Variants in LYST observed in about 807,000 individuals in gnomAD.
LYST encodes the protein lysosomal trafficking regulator.
A neutral mutation model predicts 413.6 loss-of-function variants in LYST; 192 were observed. That is an observed-to-expected ratio of 0.46 (90% CI 0.41 to 0.52). LYST has a LOEUF of 0.52. LYST is among the 20% of genes least tolerant of loss of function. The probability of loss-of-function intolerance (pLI) is 0.00; values close to 1 mark genes in which losing one functional copy is unlikely to be tolerated. For missense variants in LYST, 3,815 were observed against 4,499.9 expected, an observed-to-expected ratio of 0.85 and a Z score of 4.35; for synonymous variants, 1,525 against 1,567.3, an observed-to-expected ratio of 0.97 and a Z score of 0.64.
At position 235,690,948 on chromosome 1, in the gene LYST, G is replaced by A. The variant is rs558831220; in HGVS notation, c.10701+2402C>T. On this transcript the variant is annotated intron_variant, in intron 47 of 52. Transcript: ENST00000389793. ...TTTTTTTCCCTTGAGACAGAGTCTC[G>A]TTCTGTTGCCCAGGCTGGAGTGCAG... Among the ~76,000 whole-genome samples the A allele has an allele frequency of 6.4e-4, 93 of 145,398 alleles. 1 individual carries two copies. Among genetic ancestry groups the A allele is most frequent in the Non-Finnish European group, 3.3e-4 (22 of 66,812 alleles).
intron 14 of LYST, among the ~76,000 whole-genome samples, chr1:235,785,854 A>G (rs1572251579): frequency 1.3e-5 from 2 of 152,206 alleles, no homozygotes; most frequent in African/African-American, 2.4e-5. Flanking sequence ...TAGTTCCTAC[A>G]GGCTAAAATT....
chr1:235,772,256 T>C (rs1668783627), intron 19 of LYST, among the ~76,000 whole-genome samples: 1 of 152,054 alleles, frequency 6.6e-6, no homozygotes. Context: ...TTCAACCTCA[T>C]AACTCATTAC....
chr1:235,864,215 G>C (rs939224988), intron 1 of LYST, among the ~76,000 whole-genome samples: 15 of 152,184 alleles, frequency 9.9e-5, no homozygotes, highest in African/African-American at 3.6e-4. Context: ...CCACTGCAGA[G>C]GTCTCTATAC....
intron 20 of LYST, among the ~76,000 whole-genome samples, chr1:235,767,750 A>T (rs1668282422): frequency 6.6e-6 from 1 of 152,132 alleles, no homozygotes; most frequent in South Asian, 2.1e-4. Context: ...ATGATCTGCC[A>T]CACATGCTGT....
intron 1 of LYST, among the ~76,000 whole-genome samples, chr1:235,862,844 CACA>C (rs1680059031): frequency 6.8e-6 from 1 of 147,108 alleles, no homozygotes; most frequent in Non-Finnish European, 1.5e-5. Context: ...CACACACACA[CACA>C]CCCCTTCAAG....
chr1:235,872,806 C>A (rs1027045485), intron 1 of LYST, among the ~76,000 whole-genome samples: 3 of 152,074 alleles, frequency 2.0e-5, no homozygotes, highest in Non-Finnish European at 2.9e-5. Flanking sequence ...GTCCCAGCTA[C>A]TCAGGAGGCT....
Position 235,755,666 on chromosome 1 carries a change from T to C in LYST, c.7060-19A>G, listed in dbSNP as rs1359738257. 7.3e-7 allele frequency: 1 copy of C among 1,360,600 alleles called. No individual in the cohort carries two copies. The highest frequency in any genetic ancestry group is 2.3e-5 in the East Asian group (1 of 43,708). 84.3% of individuals were successfully genotyped at this position (1,360,600 alleles called of 1,614,324 possible). A position where few individuals can be genotyped will look rare whatever the true frequency, so the allele number is the denominator to read the frequency against. On this transcript the variant is annotated intron_variant, in intron 24 of 52. Coordinates refer to ENST00000389793, the MANE Select transcript of LYST (RefSeq NM_000081.4). ...CTAATAGCTAAACAAAAAATTTAAG[T>C]CAATTTAGATAATGCATTAAAATTA...
At chr1:235,769,996 T>C (rs1668507865) in intron 20 of LYST, among the ~76,000 whole-genome samples, 164 bp downstream of exon 20, 2 of 152,026 alleles carry the variant, frequency 1.3e-5, no homozygotes, top group East Asian at 1.9e-4. Flanking sequence ...GATGCAGCAG[T>C]TGAAAAACTC....
In LYST at chr1:235,808,801, T is replaced by C; in HGVS notation, c.2017A>G (p.Arg673Gly). 6.2e-7 allele frequency: 1 copy of C among 1,614,076 alleles called. No homozygotes were observed. ...LSSSLSSPSYRFQGILPSSGS... is the reference protein window; with the variant it reads ...LSSSLSSPSYGFQGILPSSGS... ...CTGCTGGGCAGGATCCCTTGAAATC[T>C]GTAAGAAGGACTGGATAAACTTGAG... is the stretch of plus-strand genomic sequence containing the variant. Residue 673 changes from arginine (R) to glycine (G), a missense_variant, in exon 5 of 53, where the codon AGA becomes GGA. Transcript: ENST00000389793.
intron 25 of LYST, among the ~76,000 whole-genome samples, chr1:235,753,761 C>CA (rs1476829409): frequency 3.3e-5 from 5 of 152,080 alleles, no homozygotes; most frequent in Admixed American, 6.5e-5. Context: ...CCTTATCTGT[C>CA]AAAAATATGT....
chr1:235,794,650 G>C (rs979090768), intron 10 of LYST, among the ~76,000 whole-genome samples: 19 of 152,190 alleles, frequency 1.2e-4, no homozygotes, highest in African/African-American at 4.6e-4. Context: ...CTGGAGTTTA[G>C]AGAATAGAAG....
intron 1 of LYST, among the ~76,000 whole-genome samples, chr1:235,864,754 G>T (rs561829685): frequency 6.6e-6 from 1 of 152,246 alleles, no homozygotes; most frequent in East Asian, 1.9e-4. Context: ...CAACAATGGC[G>T]AAACCCCATC....
chr1:235,759,814 C>G (rs1012539873), intron 22 of LYST, among the ~76,000 whole-genome samples: 1 of 152,070 alleles, frequency 6.6e-6, no homozygotes, highest in Admixed American at 6.6e-5. Context: ...TGCAGTGACA[C>G]AATCACAGCT....
At chr1:235,859,142 C>T (rs1679566532) in intron 1 of LYST, among the ~76,000 whole-genome samples, 1 of 152,176 alleles carries the variant, frequency 6.6e-6, no homozygotes, top group Admixed American at 6.5e-5. Context: ...TCTATATCTA[C>T]CCCATTTCCT....
At chr1:235,803,405 A>C in intron 7 of LYST, among the ~76,000 whole-genome samples, 1 of 152,216 alleles carries the variant, frequency 6.6e-6, no homozygotes, top group Admixed American at 6.5e-5. Flanking sequence ...ATTTAATACT[A>C]ATATATATTA....
chr1:235,772,009 G>T (rs1572209239), intron 19 of LYST, among the ~76,000 whole-genome samples: 1 of 145,456 alleles, frequency 6.9e-6, no homozygotes, highest in South Asian at 2.2e-4. Context: ...GACTGCTTGA[G>T]CCCAGGAGTT....
chr1:235,666,762 T>G (rs1658522597), intron 50 of LYST, among the ~76,000 whole-genome samples: 2 of 152,184 alleles, frequency 1.3e-5, no homozygotes, highest in African/African-American at 4.8e-5. Context: ...ATGAGTAGGC[T>G]ACATTTCAAC....
chr1:235,785,745 C>G (rs1334354680), intron 14 of LYST, among the ~76,000 whole-genome samples: 7 of 152,174 alleles, frequency 4.6e-5, no homozygotes, highest in Non-Finnish European at 1.5e-5. Context: ...CAGCTTAATC[C>G]TCTACCATGC....
chr1:235,695,477 T>C (rs1461159628), intron 46 of LYST, among the ~76,000 whole-genome samples: 13 of 152,200 alleles, frequency 8.5e-5, no homozygotes. Context: ...TGAGCGAACA[T>C]AGCTATTAAG....
Sources: allele counts gnomAD v4.1 joint callset (sites outside exome capture counted in the v4.1 genomes callset), GRCh38; gene constraint gnomAD v4.1.1; transcripts MANE v1.5; gene names NCBI Gene and HGNC (gene_info 2026-07-23, HGNC 2026-07-21).